Variants in SPATA6 observed in about 807,000 individuals in gnomAD.
SPATA6 encodes the protein spermatogenesis associated 6.
SPATA6 carries 56 observed loss-of-function variants against 65.3 expected under a neutral mutation model. The ratio of observed to expected loss-of-function variants is 0.86; its 90% CI spans 0.69 to 1.07. The LOEUF (loss-of-function observed/expected upper bound fraction) is 1.07. Ranked by LOEUF, SPATA6 falls within the 50% of genes least tolerant of loss-of-function variation. SPATA6 has a pLI of 0.00. For missense variants in SPATA6, 590 were observed against 594.8 expected (o/e 0.99, Z 0.08); for synonymous variants, 199 against 213.2 (o/e 0.93, Z 0.58).
At chr1:48,354,630 T>C (rs372897336) in intron 11 of SPATA6, among the ~76,000 whole-genome samples, 2 of 152,048 alleles carry the variant, frequency 1.3e-5, no homozygotes, top group East Asian at 1.9e-4. Flanking sequence ...AACGCTTGAA[T>C]TGAAAAACCA....
At chr1:48,418,623 G>A (rs1653019084) in intron 3 of SPATA6, among the ~76,000 whole-genome samples, 1 of 150,832 alleles carries the variant, frequency 6.6e-6, no homozygotes, top group Non-Finnish European at 1.5e-5. Flanking sequence ...AGATACTTGG[G>A]AGGCTGAGGT....
chr1:48,455,006 C>G (rs1255725156), intron 1 of SPATA6, among the ~76,000 whole-genome samples: 1 of 152,184 alleles, frequency 6.6e-6, no homozygotes, highest in Non-Finnish European at 1.5e-5. Context: ...TTGACTCCAT[C>G]TCCCTCTTAC....
At chr1:48,418,027 T>C (rs1236401671) in intron 3 of SPATA6, among the ~76,000 whole-genome samples, 2 of 152,138 alleles carry the variant, frequency 1.3e-5, no homozygotes, top group Admixed American at 6.6e-5. Context: ...TTTACTAAAA[T>C]GGATGTTCTT....
chr1:48,467,807 C>T (rs1384382407), intron 1 of SPATA6, among the ~76,000 whole-genome samples: 1 of 152,080 alleles, frequency 6.6e-6, no homozygotes, highest in Non-Finnish European at 1.5e-5. Flanking sequence ...CATCTCTAAT[C>T]ATCAGGGAAA....
At chr1:48,468,112 A>T (rs1040503100) in intron 1 of SPATA6, among the ~76,000 whole-genome samples, 3 of 152,210 alleles carry the variant, frequency 2.0e-5, no homozygotes, top group Non-Finnish European at 4.4e-5. Context: ...GCACTCTCAT[A>T]TTCATTGCTG....
intron 11 of SPATA6, among the ~76,000 whole-genome samples, chr1:48,351,316 TG>T (rs1202766310): frequency 6.6e-6 from 1 of 152,022 alleles, no homozygotes; most frequent in Non-Finnish European, 1.5e-5. Context: ...CTAATCTGTA[TG>T]ACTTTTATTT....
intron 8 of SPATA6, among the ~76,000 whole-genome samples, chr1:48,385,977 T>C (rs1306061279): frequency 6.6e-6 from 1 of 152,202 alleles, no homozygotes; most frequent in African/African-American, 2.4e-5. Context: ...AGAAATCAAC[T>C]ATTATTACTA....
intron 7 of SPATA6, chr1:48,399,118 G>T: frequency 2.1e-6 from 1 of 477,662 alleles, no homozygotes; most frequent in East Asian, 3.3e-5. Context: ...CCGGTACTGA[G>T]AGGATTTAAC....
At chr1:48,276,925 G>A in the SPATA6 span, among the ~76,000 whole-genome samples, 3 of 151,804 alleles carry the variant, frequency 2.0e-5, no homozygotes, top group Admixed American at 6.6e-5. Flanking sequence ...TGACAGTGGG[G>A]TGTTCAAGTC....
rs1656591121 is a variant in SPATA6, at chr1:48,451,742, AC to A, written c.190-143del. ...TGTCAGTTCCTCTCTCCTTCCCATC[AC>A]TACAAAAGATTCTACAAATAACCTT... On this transcript the variant is annotated intron_variant, in intron 2 of 12. Transcript: ENST00000371847. The A allele has an allele frequency of 4.4e-6, 3 of 688,024 alleles. No individual in the cohort carries two copies. The East Asian group carries it at 9.1e-5, about 21-fold the overall frequency. The allele number at this position is 688,024 out of a possible 1,614,324, so 42.6% of individuals were successfully genotyped here. A position where few individuals can be genotyped will look rare whatever the true frequency, so the allele number is the denominator to read the frequency against.
At chr1:48,352,899 A>C (rs2148798639) in intron 11 of SPATA6, among the ~76,000 whole-genome samples, 1 of 79,228 alleles carries the variant, frequency 1.3e-5, no homozygotes, top group East Asian at 4.1e-4. Flanking sequence ...GCTTCTTTTA[A>C]ATACAAAAAA....
intron 1 of SPATA6, among the ~76,000 whole-genome samples, chr1:48,460,039 T>C (rs145706863): frequency 2.0e-3 from 306 of 152,196 alleles, no homozygotes; most frequent in African/African-American, 7.0e-3. Flanking sequence ...GGCATGATCA[T>C]AGCTCACTGC....
intron 3 of SPATA6, among the ~76,000 whole-genome samples, chr1:48,433,263 A>T (rs1197841157): frequency 6.6e-6 from 1 of 152,172 alleles, no homozygotes; most frequent in Non-Finnish European, 1.5e-5. Context: ...CTGTATACTT[A>T]AAATGATTAA....
At chr1:48,306,342 T>A (rs1435511856) in intron 11 of SPATA6, among the ~76,000 whole-genome samples, 1 of 151,496 alleles carries the variant, frequency 6.6e-6, no homozygotes, top group Admixed American at 6.6e-5. Context: ...AAATGCAAAA[T>A]CAAAAGCCAA....
chr1:48,375,612 C>A (rs1647801147), intron 9 of SPATA6, among the ~76,000 whole-genome samples: 1 of 152,102 alleles, frequency 6.6e-6, no homozygotes, highest in Non-Finnish European at 1.5e-5. Flanking sequence ...AATTGCAAAT[C>A]TGTCCAGTCT....
chr1:48,286,747 AG>A, the SPATA6 span, among the ~76,000 whole-genome samples: 4 of 152,242 alleles, frequency 2.6e-5, no homozygotes, highest in African/African-American at 9.6e-5. Flanking sequence ...TTAAAAAATG[AG>A]GGTTTGGCCA....
At chr1:48,346,695 AG>A (rs1646375300) in intron 11 of SPATA6, among the ~76,000 whole-genome samples, 1 of 152,112 alleles carries the variant, frequency 6.6e-6, no homozygotes, top group Non-Finnish European at 1.5e-5. Context: ...GGGCCAAGTC[AG>A]GAATATAATA....
At chr1:48,306,655 C>T (rs1055204705) in intron 11 of SPATA6, among the ~76,000 whole-genome samples, 1 of 151,774 alleles carries the variant, frequency 6.6e-6, no homozygotes, top group African/African-American at 2.4e-5. Context: ...AACTAGTAAG[C>T]ACAAATAAGG....
intron 3 of SPATA6, among the ~76,000 whole-genome samples, chr1:48,443,891 T>C (rs1655753647): frequency 6.6e-6 from 1 of 152,090 alleles, no homozygotes; most frequent in Non-Finnish European, 1.5e-5. Context: ...GTCTTACAAA[T>C]GGAACCCCAA....
Sources: gnomAD v4.1 joint callset for allele counts (sites outside exome capture counted in the v4.1 genomes callset) on GRCh38, gnomAD v4.1.1 for gene constraint, MANE v1.5 for transcripts, NCBI Gene and HGNC (gene_info 2026-07-23, HGNC 2026-07-21) for gene names.